Variants in KCNJ11 observed in about 807,000 individuals in gnomAD.
KCNJ11 encodes potassium inwardly rectifying channel subfamily J member 11.
KCNJ11 carries 12 observed loss-of-function variants against 17.3 expected under a neutral mutation model. The observed-to-expected ratio is 0.69, with a 90% confidence interval of 0.44 to 1.12. The LOEUF (loss-of-function observed/expected upper bound fraction) is 1.12, where lower values mean the gene tolerates loss of function less well. Among genes scored for constraint, KCNJ11 ranks in the 50% most tolerant of loss-of-function variants. KCNJ11 has a pLI of 0.00. For missense variants in KCNJ11, 386 were observed against 554.1 expected, an observed-to-expected ratio of 0.70 and a Z score of 3.05; for synonymous variants, 211 against 223.4, an observed-to-expected ratio of 0.94 and a Z score of 0.50.
Position 17,388,637 on chromosome 11 carries a change from C to A in KCNJ11, c.-546G>T, listed in dbSNP as rs886048045. The stretch of plus-strand genomic sequence containing the variant: ...CACCCTTGAGCCCACCTGCCTGGCG[C>A]CTAGGGAGCCCCCAACCCTGCCGGC... On this transcript the variant is annotated 5_prime_UTR_variant, in exon 1 of 1. Transcript: ENST00000339994. The A allele has an allele frequency of 2.0e-4, 69 of 349,036 alleles. No individual in the cohort carries two copies. The highest frequency in any genetic ancestry group is 1.5e-3 in the African/African-American group (67 of 45,930). The allele number at this position is 349,036 out of a possible 1,614,324, so 21.6% of individuals were successfully genotyped here.
chr11:17,387,439 T>C lies in KCNJ11; in HGVS notation c.653A>G (p.Gln218Arg). 1.2e-6 allele frequency: 2 copies of C among 1,613,544 alleles called. No individual in the cohort carries two copies. The highest frequency in any genetic ancestry group is 1.7e-6 in the Non-Finnish European group (2 of 1,180,014). Reference protein sequence around the residue: ...SMIISATIHMQVVRKTTSPEG... With the variant: ...SMIISATIHMRVVRKTTSPEG... ...GGGGCTGGTGGTCTTGCGTACCACC[T>C]GCATGTGGATGGTGGCGCTGATGAT... The change falls in exon 1 of 1, where the codon CAG becomes CGG. Residue 218 changes from glutamine (Q) to arginine (R), a missense_variant. Physicochemically the swap from Gln to Arg is conservative, Grantham distance 43. Coordinates refer to ENST00000339994, the MANE Select transcript of KCNJ11 (RefSeq NM_000525.4).
rs140636367 is a variant in KCNJ11 at position 17,387,738 on chromosome 11, C to T, written c.354G>A (p.Ser118=). 2.0e-4 allele frequency: 315 copies of T among 1,613,996 alleles called. No individual in the cohort carries two copies. Among genetic ancestry groups the T allele is most frequent in the Non-Finnish European group, 2.4e-4 (280 of 1,180,038 alleles). Residue 118 remains serine (S), a synonymous_variant, in exon 1 of 1, where the codon TCG becomes TCA. Transcript: ENST00000339994. ...CCTCAATGGAGAAAAGGAAGGCAGA[C>T]GAGAAGGAGTGGATGCTGGTGACAC... ...EPCVTSIHSF[S]SAFLFSIEVQ...
Position 17,387,598 on chromosome 11 carries a change from C to T in KCNJ11, c.494G>A (p.Gly165Asp), listed in dbSNP as rs1953584995. ...VGLMINAIML[G>D]CIFMKTAQAH... ...TTGGGCAGTCTTCATGAAGATGCAG[C>T]CAAGCATGATGGCGTTGATCATGAG... The change falls in exon 1 of 1, where the codon GGC (glycine) becomes GAC (aspartate). Residue 165 changes from glycine (G) to aspartate (D), a missense_variant. Physicochemically the swap from Gly to Asp is moderately conservative, Grantham distance 94 (BLOSUM62 -1). Transcript: ENST00000339994. 1 of 1,613,400 alleles carries T rather than the reference C, an allele frequency of 6.2e-7. No homozygotes were observed. The highest frequency in any genetic ancestry group is 8.5e-7 in the Non-Finnish European group (1 of 1,179,970).
Position 17,387,297 on chromosome 11 carries a change from G to T in KCNJ11, c.795C>A (p.Ser265Arg). ...LIIYHVIDAN[S>R]PLYDLAPSDL... Reference sequence around the variant, plus strand: ...CGCTGGGTGCCAGGTCGTAGAGTGGGCTGTTGGCATCAATGACATGGTAGA... The same window carrying T: ...CGCTGGGTGCCAGGTCGTAGAGTGGTCTGTTGGCATCAATGACATGGTAGA... Residue 265 changes from serine to arginine, a missense_variant, in exon 1 of 1, where the codon AGC becomes AGA. Physicochemically the swap from Ser to Arg is moderately radical, Grantham distance 110 (BLOSUM62 -1). Coordinates refer to ENST00000339994, the MANE Select transcript of KCNJ11 (RefSeq NM_000525.4). The T allele has an allele frequency of 6.2e-7, 1 of 1,614,166 alleles. No individual in the cohort carries two copies. Among genetic ancestry groups the T allele is most frequent in the Non-Finnish European group, 8.5e-7 (1 of 1,180,032 alleles).
In KCNJ11 at chr11:17,387,430, C is replaced by A. The variant is rs768909861; in HGVS notation, c.662G>T (p.Arg221Leu). The change falls in exon 1 of 1, where the codon CGC becomes CTC. Residue 221 changes from arginine (R) to leucine (L), a missense_variant. Arg to Leu is a moderately radical substitution (Grantham distance 102). Transcript: ENST00000339994. ...ISATIHMQVV[R>L]KTTSPEGEVV... ...CTCGCCCTCGGGGCTGGTGGTCTTGCGTACCACCTGCATGTGGATGGTGGC... is the reference window on the plus strand; with the variant it reads ...CTCGCCCTCGGGGCTGGTGGTCTTGAGTACCACCTGCATGTGGATGGTGGC... 1 of 1,613,616 alleles carries A rather than the reference C, an allele frequency of 6.2e-7. No homozygotes were observed. Among genetic ancestry groups the A allele is most frequent in the Non-Finnish European group, 8.5e-7 (1 of 1,180,002 alleles).
chr11:17,388,772 A>T (rs1591697088), upstream of KCNJ11: 6 of 444,408 alleles, frequency 1.4e-5, no homozygotes, highest in East Asian at 4.6e-4. Context: ...AGCCCAGCTC[A>T]GAACTTAACA....
upstream of KCNJ11, chr11:17,388,853 C>G (rs149028222): frequency 2.2e-6 from 1 of 456,234 alleles, no homozygotes; most frequent in Admixed American, 2.4e-5. Flanking sequence ...GTCTGGCCTT[C>G]GGGCTCCCAG....
chr11:17,388,805 C>G (rs1362642346), upstream of KCNJ11: 1 of 455,870 alleles, frequency 2.2e-6, no homozygotes, highest in Non-Finnish European at 4.4e-6. Context: ...TCCCACTAAC[C>G]GGACCTCACC....
Position 17,386,915 on chromosome 11 carries a change from T to C in KCNJ11, c.*4A>G. ...CGCGTGTGGGGGGCCCGAGAGACCA[T>C]GGCTCAGGACAGGGAATCTGGAGAG... On this transcript the variant is annotated 3_prime_UTR_variant, in exon 1 of 1. Transcript: ENST00000339994. The C allele has an allele frequency of 6.2e-7, 1 of 1,610,516 alleles. No individual in the cohort carries two copies.
rs1437510576 is a variant in KCNJ11 at position 17,387,298 on chromosome 11, C to A, written c.794G>T (p.Ser265Ile). ...LIIYHVIDAN[S>I]PLYDLAPSDL... is the part of the protein sequence containing the mutation. ...GCTGGGTGCCAGGTCGTAGAGTGGG[C>A]TGTTGGCATCAATGACATGGTAGAT... The change falls in exon 1 of 1, where the codon AGC becomes ATC. Residue 265 changes from serine to isoleucine, a missense_variant. Coordinates refer to ENST00000339994, the MANE Select transcript of KCNJ11 (RefSeq NM_000525.4). 3.1e-6 allele frequency: 5 copies of A among 1,613,960 alleles called. No homozygotes were observed. Among genetic ancestry groups the A allele is most frequent in the Non-Finnish European group, 4.2e-6 (5 of 1,179,994 alleles).
Position 17,387,162 on chromosome 11 carries a change from C to T in KCNJ11, c.930G>A (p.Leu310=), listed in dbSNP as rs1192601676. 10 of 1,614,104 alleles carry T rather than the reference C, an allele frequency of 6.2e-6. No homozygotes were observed. Among genetic ancestry groups the T allele is most frequent in the African/African-American group, 1.3e-5 (1 of 74,930 alleles). The change falls in exon 1 of 1, where the codon CTG becomes CTA. Residue 310 remains leucine, a synonymous_variant. Coordinates refer to ENST00000339994, the MANE Select transcript of KCNJ11 (RefSeq NM_000525.4). ...ARTSYLADEI[L]WGQRFVPIVA... Reference sequence around the variant, plus strand: ...CAATGGGCACAAAGCGCTGGCCCCACAGGATCTCATCGGCCAGGTAGGAGG... The same window carrying T: ...CAATGGGCACAAAGCGCTGGCCCCATAGGATCTCATCGGCCAGGTAGGAGG...
upstream of KCNJ11, chr11:17,388,980 C>T (rs925945306): frequency 2.5e-6 from 1 of 403,052 alleles, no homozygotes; most frequent in Admixed American, 2.6e-5. Context: ...CTCCAGCTCT[C>T]GTCCTCTCTG....
Position 17,387,019 on chromosome 11 carries a change from G to A in KCNJ11, c.1073C>T (p.Ala358Val). ...QLDEDHSLLE[A>V]LTLASARGPL... ...CCCGCGGGCTGAGGCGAGGGTCAGAGCTTCCAGTAGGCTGTGGTCCTCATC... is the reference window on the plus strand; with the variant it reads ...CCCGCGGGCTGAGGCGAGGGTCAGAACTTCCAGTAGGCTGTGGTCCTCATC... Residue 358 changes from alanine (A) to valine (V), a missense_variant, in exon 1 of 1, where the codon GCT (alanine) becomes GTT (valine). Ala to Val is a moderately conservative substitution (Grantham distance 64, BLOSUM62 0). Transcript: ENST00000339994. 6.2e-7 allele frequency: 1 copy of A among 1,614,170 alleles called. No homozygotes were observed. Among genetic ancestry groups the A allele is most frequent in the Non-Finnish European group, 8.5e-7 (1 of 1,179,988 alleles).
Position 17,387,944 on chromosome 11 carries a change from G to T in KCNJ11, c.148C>A (p.Arg50=), listed in dbSNP as rs1221366142. The T allele has an allele frequency of 6.2e-7, 1 of 1,611,924 alleles. No homozygotes were observed. Among genetic ancestry groups the T allele is most frequent in the Admixed American group, 1.7e-5 (1 of 59,996 alleles). ...TCCTGCAGGAAGCGGCCCTGCTCCC[G>T]GATGTTCTTGTGGGCCACGTTGCAG... The part of the protein sequence containing the change: ...GNCNVAHKNI[R]EQGRFLQDVF... The change falls in exon 1 of 1, where the codon CGG becomes AGG. Residue 50 remains arginine (R), a synonymous_variant. Transcript: ENST00000339994.
rs1341004233 is a variant in KCNJ11 at position 17,385,987 on chromosome 11, C to T, written c.*932G>A. ...AAGGGCCTCTTCACCTCAGGGACCTCAGTCCCTCCCACCATCCTGAACCTT... is the reference window on the plus strand; with the variant it reads ...AAGGGCCTCTTCACCTCAGGGACCTTAGTCCCTCCCACCATCCTGAACCTT... On this transcript the variant is annotated 3_prime_UTR_variant, in exon 1 of 1. Transcript: ENST00000339994. The T allele has an allele frequency of 6.6e-6, 1 of 152,492 alleles. No individual in the cohort carries two copies. Among genetic ancestry groups the T allele is most frequent in the Admixed American group, 6.5e-5 (1 of 15,296 alleles). The allele number at this position is 152,492 out of a possible 1,614,324, so 9.4% of individuals were successfully genotyped here. A position where few individuals can be genotyped will look rare whatever the true frequency, so the allele number is the denominator to read the frequency against.
rs1953583830 is a variant in KCNJ11, at chr11:17,387,534, A to G, written c.558T>C (p.His186=). ...GGCCGTGGCGCAGGGCGATCACCGC[A>G]TGCTTGCTGAAGATGAGGGTCTCAG... ...RRAETLIFSK[H]AVIALRHGRL... is the part of the protein sequence containing the mutation. The change falls in exon 1 of 1, where the codon CAT becomes CAC. Residue 186 remains histidine, a synonymous_variant. Transcript: ENST00000339994. The G allele has an allele frequency of 6.2e-7, 1 of 1,612,780 alleles. No individual in the cohort carries two copies. Among genetic ancestry groups the G allele is most frequent in the Non-Finnish European group, 8.5e-7 (1 of 1,179,920 alleles).
chr11:17,388,932 A>C (rs878874882), upstream of KCNJ11: 249 of 337,570 alleles, frequency 7.4e-4, no homozygotes, highest in Middle Eastern at 8.2e-3. Context: ...GTCCTACTCC[A>C]CCCCTCCCGG....
rs1478839947 is a variant in KCNJ11, at chr11:17,387,386, C to T, written c.706G>A (p.Val236Met). 3 of 1,613,964 alleles carry T rather than the reference C, an allele frequency of 1.9e-6. No homozygotes were observed. Among genetic ancestry groups the T allele is most frequent in the African/African-American group, 2.7e-5 (2 of 74,914 alleles). The part of the protein sequence containing the change: ...PEGEVVPLHQ[V>M]DIPMENGVGG... ...ACGCCGTTCTCCATGGGGATGTCCACCTGGTGGAGGGGCACCACCTCGCCC... is the reference window on the plus strand; with the variant it reads ...ACGCCGTTCTCCATGGGGATGTCCATCTGGTGGAGGGGCACCACCTCGCCC... Residue 236 changes from valine to methionine, a missense_variant, in exon 1 of 1, where the codon GTG (valine) becomes ATG (methionine). Coordinates refer to ENST00000339994, the MANE Select transcript of KCNJ11 (RefSeq NM_000525.4).
rs35749958 is a variant in KCNJ11 at position 17,385,776 on chromosome 11, AG to A, written c.*1142del. 6.6e-6 allele frequency: 1 copy of A among 152,264 alleles called. No individual in the cohort carries two copies. Among genetic ancestry groups the A allele is most frequent in the African/African-American group, 2.4e-5 (1 of 41,448 alleles). 9.4% of individuals were successfully genotyped at this position (152,264 alleles called of 1,614,324 possible). A position where few individuals can be genotyped will look rare whatever the true frequency, so the allele number is the denominator to read the frequency against. On this transcript the variant is annotated 3_prime_UTR_variant, in exon 1 of 1. Coordinates refer to ENST00000339994, the MANE Select transcript of KCNJ11 (RefSeq NM_000525.4). ...CGCTAGGGTCTATGGCGCCTCTTGAAGGGGGTGGCAGCTGCCAGTCCCTGCC... is the reference window on the plus strand; with the variant it reads ...CGCTAGGGTCTATGGCGCCTCTTGAAGGGGTGGCAGCTGCCAGTCCCTGCC...
Sources: gnomAD v4.1 joint callset for allele counts on GRCh38, gnomAD v4.1.1 for gene constraint, MANE v1.5 for transcripts, NCBI Gene and HGNC (gene_info 2026-07-23, HGNC 2026-07-21) for gene names.